FAT3: variants seen among roughly 807,000 people sequenced by gnomAD.
The protein encoded by FAT3 is FAT atypical cadherin 3.
In FAT3, 95 loss-of-function variants were observed where a neutral mutation model predicts 310.2. The observed-to-expected ratio is 0.31, with a 90% CI of 0.26 to 0.36. The LOEUF is 0.36. Ranked by LOEUF, FAT3 falls within the 10% of genes least tolerant of loss-of-function variation. The probability of loss-of-function intolerance (pLI) is 1.00; values close to 1 mark genes in which losing one functional copy is unlikely to be tolerated. For missense variants in FAT3, 5,408 were observed against 5,715.6 expected, an observed-to-expected ratio of 0.95 and a Z score of 1.74; for synonymous variants, 2,314 against 2,192.9, an observed-to-expected ratio of 1.06 and a Z score of -1.54.
chr11:92,353,033 T>C lies in FAT3; in HGVS notation c.921T>C (p.Asp307=). Residue 307 remains aspartate (D), a synonymous_variant, in exon 2 of 28, where the codon GAT becomes GAC. Transcript: ENST00000525166. ...AATCTGTTTCCATTGTGGCTGGGGA[T>C]CCTTTAGATCAGTTCTTCCTGGCTA... ...EIESVSIVAG[D]PLDQFFLAKE... 6.2e-7 allele frequency: 1 copy of C among 1,613,686 alleles called. No homozygotes were observed. Among genetic ancestry groups the C allele is most frequent in the Non-Finnish European group, 8.5e-7 (1 of 1,179,858 alleles).
intron 2 of FAT3, among the ~76,000 whole-genome samples, chr11:92,494,652 A>T (rs1436406116): frequency 6.6e-6 from 1 of 152,066 alleles, no homozygotes; most frequent in African/African-American, 2.4e-5. Flanking sequence ...TACAATATTT[A>T]GGCAACTTGC....
intron 1 of FAT3, among the ~76,000 whole-genome samples, chr11:92,335,517 T>G (rs980810584): frequency 6.6e-6 from 1 of 152,198 alleles, no homozygotes; most frequent in Non-Finnish European, 1.5e-5. Flanking sequence ...GCTGTAAAGC[T>G]CAGGTGTTCT....
chr11:92,776,072 A>G (rs1442278282), intron 7 of FAT3, among the ~76,000 whole-genome samples: 2 of 152,344 alleles, frequency 1.3e-5, no homozygotes, highest in East Asian at 3.9e-4. Context: ...TTGTCTTAGC[A>G]TATTCAACCT....
chr11:92,499,729 G>GTA lies in FAT3; in HGVS notation c.3293-24904_3293-24903insAT, dbSNP rs1565364278. Among the ~76,000 whole-genome samples, 11 of 123,642 alleles carry GTA rather than the reference G, an allele frequency of 8.9e-5. No homozygotes were observed. The South Asian group carries it at 1.5e-3, about 17-fold the overall frequency. 81.1% of individuals were successfully genotyped at this position (123,642 alleles called of 152,430 possible). On this transcript the variant is annotated intron_variant, in intron 2 of 27. Coordinates refer to ENST00000525166, the MANE Select transcript of FAT3 (RefSeq NM_001367949.2). ...TGTGTGTGTATGTGTGTGTATGTGT[G>GTA]TGTGTGTGTGTGTGTGTGTGTGTGT...
At position 92,524,851 on chromosome 11, in the gene FAT3, C is replaced by T. The variant is rs1215739894; in HGVS notation, c.3510C>T (p.Ile1170=). 8.1e-6 allele frequency: 13 copies of T among 1,613,790 alleles called. No homozygotes were observed. Among genetic ancestry groups the T allele is most frequent in the Non-Finnish European group, 8.5e-6 (10 of 1,179,786 alleles). ...CAAAGGACGTATCTGTCATTCAGAT[C>T]CAGGCTGAAGATCCTGACTCCAGTT... ...NSPKDVSVIQ[I]QAEDPDSSSN... Residue 1170 remains isoleucine (I), a synonymous_variant, in exon 3 of 28, where the codon ATC becomes ATT. Coordinates refer to ENST00000525166, the MANE Select transcript of FAT3 (RefSeq NM_001367949.2).
At chr11:92,475,051 G>A (rs191769489) in intron 2 of FAT3, among the ~76,000 whole-genome samples, 1 of 152,214 alleles carries the variant, frequency 6.6e-6, no homozygotes. Context: ...TACCCACCTT[G>A]ACACAATGGC....
At chr11:92,290,962 T>G (rs1946673774) in intron 1 of FAT3, among the ~76,000 whole-genome samples, 1 of 152,016 alleles carries the variant, frequency 6.6e-6, no homozygotes, top group African/African-American at 2.4e-5. Flanking sequence ...TTGAAAGGCT[T>G]GAGTTTGCAA....
intron 4 of FAT3, among the ~76,000 whole-genome samples, chr11:92,705,900 GGTGATGGTGGTGGTT>G (rs1944325018): frequency 2.1e-5 from 1 of 46,612 alleles, no homozygotes; most frequent in Non-Finnish European, 4.7e-5. Flanking sequence ...TGATGGTGGT[GGTGATGGTGGTGGTT>G]TGATGGTGGT....
intron 7 of FAT3, among the ~76,000 whole-genome samples, chr11:92,782,316 G>T (rs186231690): frequency 3.1e-4 from 47 of 152,148 alleles, no homozygotes; most frequent in Middle Eastern, 3.4e-3. Flanking sequence ...AAATTAAAAG[G>T]CTGGGTACAG....
intron 1 of FAT3, among the ~76,000 whole-genome samples, chr11:92,328,409 C>T (rs1947819377): frequency 6.6e-6 from 1 of 152,150 alleles, no homozygotes; most frequent in South Asian, 2.1e-4. Flanking sequence ...TGCTTTTGTT[C>T]TATATAAAAG....
intron 4 of FAT3, among the ~76,000 whole-genome samples, chr11:92,749,655 C>T (rs554426877): frequency 5.8e-4 from 88 of 152,270 alleles, no homozygotes; most frequent in Admixed American, 5.6e-3. Flanking sequence ...AAATACTCAA[C>T]GATGGGTACC....
In FAT3 at chr11:92,353,217, A is replaced by G; in HGVS notation, c.1105A>G (p.Arg369Gly). The change falls in exon 2 of 28, where the codon AGA becomes GGA. Residue 369 changes from arginine (R) to glycine (G), a missense_variant. Arg to Gly is a moderately radical substitution (Grantham distance 125). Transcript: ENST00000525166. Reference sequence around the variant, plus strand: ...GGCAGTCTACATTGGCAACCCCACAAGAGACACTGTCCCCATTAGATTTGA... The same window carrying G: ...GGCAGTCTACATTGGCAACCCCACAGGAGACACTGTCCCCATTAGATTTGA... ...LKAVYIGNPTRDTVPIRFEKE... is the reference protein window; with the variant it reads ...LKAVYIGNPTGDTVPIRFEKE... The G allele has an allele frequency of 1.2e-6, 2 of 1,613,812 alleles. No homozygotes were observed. Among genetic ancestry groups the G allele is most frequent in the Non-Finnish European group, 1.7e-6 (2 of 1,179,868 alleles).
chr11:92,519,749 T>A (rs1953619981), intron 2 of FAT3, among the ~76,000 whole-genome samples: 1 of 152,072 alleles, frequency 6.6e-6, no homozygotes, highest in African/African-American at 2.4e-5. Flanking sequence ...GAGAAGATAT[T>A]CAGGTGAAAA....
At chr11:92,358,892 T>A (rs538286373) in intron 2 of FAT3, among the ~76,000 whole-genome samples, 2 of 152,346 alleles carry the variant, frequency 1.3e-5, no homozygotes, top group South Asian at 4.1e-4. Context: ...CTAGACTCTG[T>A]TGTCTTTATT....
At chr11:92,392,361 T>G (rs1272116035) in intron 2 of FAT3, among the ~76,000 whole-genome samples, 4 of 152,166 alleles carry the variant, frequency 2.6e-5, no homozygotes, top group Non-Finnish European at 4.4e-5. Context: ...GTTACTATTT[T>G]CATGTTTAAG....
At chr11:92,783,687 C>A (rs1485255855) in intron 7 of FAT3, among the ~76,000 whole-genome samples, 2 of 151,922 alleles carry the variant, frequency 1.3e-5, no homozygotes, top group Non-Finnish European at 2.9e-5. Flanking sequence ...TCCAATTGTC[C>A]CAGCTACTTG....
At chr11:92,836,727 C>G in intron 16 of FAT3, 24 bp downstream of exon 16, 4 of 1,605,038 alleles carry the variant, frequency 2.5e-6, no homozygotes, top group Non-Finnish European at 3.4e-6. Context: ...GGACAGTTTC[C>G]TTCCCATCCA....
At position 92,792,126 on chromosome 11, in the gene FAT3, A is replaced by G. The variant is rs1052046815; in HGVS notation, c.4612-641A>G. ...TCTTGTTACCTTTTTCAGCAAGCTA[A>G]ATGCTAGGTTAGTTTCTTCTCACTA... is the stretch of plus-strand genomic sequence containing the variant. On this transcript the variant is annotated intron_variant, in intron 8 of 27. Transcript: ENST00000525166. Among the ~76,000 whole-genome samples, 4 of 152,294 alleles carry G rather than the reference A, an allele frequency of 2.6e-5. No individual in the cohort carries two copies. The South Asian group carries it at 8.3e-4, about 32-fold the overall frequency.
At chr11:92,341,063 C>T (rs1436884841) in intron 1 of FAT3, among the ~76,000 whole-genome samples, 1 of 152,156 alleles carries the variant, frequency 6.6e-6, no homozygotes, top group Admixed American at 6.5e-5. Context: ...CACATCTGGT[C>T]TATTTGTGGT....
Sources: allele counts gnomAD v4.1 joint callset (sites outside exome capture counted in the v4.1 genomes callset), GRCh38; gene constraint gnomAD v4.1.1; transcripts MANE v1.5; gene names NCBI Gene and HGNC (gene_info 2026-07-23, HGNC 2026-07-21).